The following PRKACB variants were observed in gnomAD, a reference collection of about 807,000 sequenced individuals.
PRKACB encodes protein kinase cAMP-activated catalytic subunit beta, also known as cAMP-dependent protein kinase catalytic subunit beta.
Under a neutral mutation model 51.4 loss-of-function variants are expected in PRKACB, and 16 were observed. That is an observed-to-expected ratio of 0.31 (90% CI 0.21 to 0.47). The LOEUF (loss-of-function observed/expected upper bound fraction) is 0.47, where lower values mean the gene tolerates loss of function less well. PRKACB is among the 20% of genes least tolerant of loss of function. The pLI is 1.00. For missense variants in PRKACB, 309 were observed against 464.5 expected, an observed-to-expected ratio of 0.67 and a Z score of 3.08; for synonymous variants, 147 against 154.4, an observed-to-expected ratio of 0.95 and a Z score of 0.35.
chr1:84,188,516 A>G (rs1448813474), intron 5 of PRKACB, among the ~76,000 whole-genome samples: 2 of 151,942 alleles, frequency 1.3e-5, no homozygotes, highest in African/African-American at 4.8e-5. Context: ...AAAGTTTACA[A>G]TTAACAAGTA....
At chr1:84,230,956 C>T (rs1423540252) in intron 9 of PRKACB, among the ~76,000 whole-genome samples, 2 of 143,034 alleles carry the variant, frequency 1.4e-5, no homozygotes, top group Non-Finnish European at 3.0e-5. Flanking sequence ...GCCAGAACTT[C>T]CAACACTATG....
intron 1 of PRKACB, chr1:84,173,466 C>A: frequency 4.4e-6 from 4 of 904,896 alleles, no homozygotes; most frequent in South Asian, 3.2e-5. Flanking sequence ...TTTTACAATT[C>A]TGTTTACTGA....
intron 1 of PRKACB, among the ~76,000 whole-genome samples, chr1:84,166,754 T>A (rs1657609583): frequency 6.6e-6 from 1 of 151,728 alleles, no homozygotes; most frequent in South Asian, 2.1e-4. Context: ...TATGTGTACA[T>A]GGTACTTTTC....
chr1:84,145,954 G>A (rs899192086), intron 1 of PRKACB, among the ~76,000 whole-genome samples: 6 of 151,904 alleles, frequency 3.9e-5, no homozygotes, highest in Non-Finnish European at 8.8e-5. Flanking sequence ...TTCATATAGT[G>A]GGTGTTTAGT....
intron 1 of PRKACB, among the ~76,000 whole-genome samples, chr1:84,124,055 A>T (rs1279879167): frequency 6.6e-6 from 1 of 152,176 alleles, no homozygotes; most frequent in African/African-American, 2.4e-5. Flanking sequence ...TTAGATACCT[A>T]AAGCTATCTC....
chr1:84,169,333 A>T (rs1359091727), intron 1 of PRKACB, among the ~76,000 whole-genome samples: 1 of 151,654 alleles, frequency 6.6e-6, no homozygotes, highest in Non-Finnish European at 1.5e-5. Flanking sequence ...TGAAACAAAG[A>T]TAAAACAAGA....
At chr1:84,164,406 G>A (rs768882298) in intron 1 of PRKACB, 3 of 1,575,152 alleles carry the variant, frequency 1.9e-6, no homozygotes, top group South Asian at 2.3e-5. Context: ...TCCTTGCCAG[G>A]TTCAACATGG....
At chr1:84,116,308 A>G (rs540896444) in intron 1 of PRKACB, among the ~76,000 whole-genome samples, 3 of 152,004 alleles carry the variant, frequency 2.0e-5, no homozygotes. Context: ...TTTTGCTCAG[A>G]GTTGCTTTGG....
At chr1:84,131,769 G>C (rs1652241306) in intron 1 of PRKACB, among the ~76,000 whole-genome samples, 1 of 152,170 alleles carries the variant, frequency 6.6e-6, no homozygotes, top group Admixed American at 6.5e-5. Context: ...TGATAGTTTT[G>C]ACAAACTGCT....
intron 1 of PRKACB, chr1:84,078,463 C>G: frequency 6.8e-7 from 1 of 1,466,966 alleles, no homozygotes; most frequent in East Asian, 2.4e-5. Context: ...GCCGCGGGCA[C>G]GGGCCAGGCC....
At position 84,144,461 on chromosome 1, in the gene PRKACB, T is replaced by C. The variant is rs777281034; in HGVS notation, c.100T>C (p.Ser34Pro). 4 of 1,612,952 alleles carry C rather than the reference T, an allele frequency of 2.5e-6. No homozygotes were observed. Among genetic ancestry groups the C allele is most frequent in the Non-Finnish European group, 3.4e-6 (4 of 1,179,580 alleles). ...GFASRLFHRH[S>P]KGTAHDQKTA... ...TGCTAGCCGGTTATTTCATAGACAC[T>C]CTAAAGGTACTGCACATGATCAGAA... is the stretch of plus-strand genomic sequence containing the variant. The change falls in exon 1 of 10, where the codon TCT becomes CCT. Residue 34 changes from serine (S) to proline (P), a missense_variant. By Grantham distance (74) the Ser-to-Pro change is moderately conservative. This residue lies in a region of PRKACB where 153 missense variants were observed against 190.2 expected (regional missense o/e 0.80). Transcript: ENST00000370685.
At chr1:84,207,089 A>G (rs1165124518) in intron 8 of PRKACB, among the ~76,000 whole-genome samples, 1 of 152,174 alleles carries the variant, frequency 6.6e-6, no homozygotes, top group Non-Finnish European at 1.5e-5. Context: ...AAGCAGTTTT[A>G]CTCTTTTCAT....
chr1:84,094,733 C>A (rs932362929), intron 1 of PRKACB, among the ~76,000 whole-genome samples: 1 of 151,986 alleles, frequency 6.6e-6, no homozygotes, highest in Non-Finnish European at 1.5e-5. Context: ...CACATACACA[C>A]ACTAAGACAA....
intron 1 of PRKACB, chr1:84,164,489 C>G (rs1332249380): frequency 1.3e-6 from 2 of 1,526,836 alleles, no homozygotes; most frequent in Non-Finnish European, 1.8e-6. Context: ...TAGATTAGTG[C>G]TTAAATTTAA....
intron 1 of PRKACB, among the ~76,000 whole-genome samples, chr1:84,133,842 C>T (rs1284117706): frequency 4.0e-5 from 6 of 150,320 alleles, no homozygotes; most frequent in Non-Finnish European, 6.0e-5. Flanking sequence ...GCTTTGCCAT[C>T]CATGGATGGC....
chr1:84,089,552 A>C (rs1304026970), intron 1 of PRKACB, among the ~76,000 whole-genome samples: 1 of 152,128 alleles, frequency 6.6e-6, no homozygotes, highest in Non-Finnish European at 1.5e-5. Flanking sequence ...TCTCTTGCTT[A>C]CTTCTTATTC....
At chr1:84,111,082 A>C (rs1650192103) in intron 1 of PRKACB, among the ~76,000 whole-genome samples, 1 of 152,040 alleles carries the variant, frequency 6.6e-6, no homozygotes, top group Non-Finnish European at 1.5e-5. Flanking sequence ...CGATCTTCCA[A>C]ATCTAATCTA....
At chr1:84,198,595 A>G (rs927897614) in intron 7 of PRKACB, among the ~76,000 whole-genome samples, 1 of 152,030 alleles carries the variant, frequency 6.6e-6, no homozygotes, top group Admixed American at 6.6e-5. Flanking sequence ...ACTTCTTGAT[A>G]TTTTATAATC....
At chr1:84,083,473 G>C (rs1304215219) in intron 1 of PRKACB, among the ~76,000 whole-genome samples, 2 of 152,158 alleles carry the variant, frequency 1.3e-5, no homozygotes, top group African/African-American at 4.8e-5. Context: ...CCAGCAGCAG[G>C]ATAATTAGAG....
Sources: allele counts gnomAD v4.1 joint callset (sites outside exome capture counted in the v4.1 genomes callset), GRCh38; gene constraint gnomAD v4.1.1; regional missense constraint gnomAD v4.1.1; transcripts MANE v1.5; gene names NCBI Gene and HGNC (gene_info 2026-07-23, HGNC 2026-07-21).